Variants in MDH2 observed in about 807,000 individuals in gnomAD.
MDH2 encodes malate dehydrogenase 2, also known as malate dehydrogenase, mitochondrial.
In MDH2, 25 loss-of-function variants were observed where a neutral mutation model predicts 33.6. The observed-to-expected ratio is 0.74, with a 90% CI of 0.54 to 1.04. MDH2 has a LOEUF of 1.04. Ranked by LOEUF, MDH2 falls within the 50% of genes least tolerant of loss-of-function variation. MDH2 has a pLI of 0.00. For synonymous variants in MDH2, 193 were observed against 188.7 expected, an observed-to-expected ratio of 1.02 and a Z score of -0.19; for missense variants, 432 against 445.0, an observed-to-expected ratio of 0.97 and a Z score of 0.26.
chr7:76,048,175 C>A lies in MDH2; in HGVS notation c.15C>A (p.Leu5=). 6.5e-7 allele frequency: 1 copy of A among 1,536,632 alleles called. No individual in the cohort carries two copies. Among genetic ancestry groups the A allele is most frequent in the Admixed American group, 1.9e-5 (1 of 51,292 alleles). MLSA[L]ARPASAALRR... ...CCGCTCCAGCCATGCTCTCCGCCCT[C>A]GCCCGGCCTGCCAGCGCTGCTCTCC... Residue 5 remains leucine (L), a synonymous_variant, in exon 1 of 9, where the codon CTC becomes CTA. Transcript: ENST00000315758.
intron 5 of MDH2, 146 bp from the exon 6 acceptor site, chr7:76,063,369 G>T: frequency 6.9e-6 from 5 of 729,468 alleles, no homozygotes. Context: ...AAGCGCAGCA[G>T]GGGCTGGACA....
At chr7:76,049,987 G>A (rs905701740) in intron 1 of MDH2, among the ~76,000 whole-genome samples, 2 of 152,108 alleles carry the variant, frequency 1.3e-5, no homozygotes, top group East Asian at 1.9e-4. Context: ...GCGCACCACC[G>A]TGCCCAGCTA....
intron 1 of MDH2, 131 bp from the exon 2 acceptor site, chr7:76,054,699 C>T (rs1449156116): frequency 1.5e-5 from 16 of 1,052,030 alleles, no homozygotes; most frequent in Non-Finnish European, 2.3e-5. Context: ...GAGACTGTTA[C>T]AAATACAATG....
At chr7:76,048,935 C>T in intron 1 of MDH2, 1 of 969,448 alleles carries the variant, frequency 1.0e-6, no homozygotes, top group African/African-American at 2.0e-5. Context: ...CACCAGAAAG[C>T]TAATAAAAAA....
intron 6 of MDH2, 24 bp downstream of exon 6, chr7:76,063,616 G>A: frequency 6.2e-7 from 1 of 1,605,910 alleles, no homozygotes; most frequent in Non-Finnish European, 8.5e-7. Flanking sequence ...ACCCTGTGAG[G>A]GGCTTCGAGG....
rs1554587863 is a variant in MDH2 at position 76,066,285 on chromosome 7, G to A, written c.892G>A (p.Gly298Ser). The A allele has an allele frequency of 6.2e-7, 1 of 1,607,634 alleles. No individual in the cohort carries two copies. The highest frequency in any genetic ancestry group is 8.5e-7 in the Non-Finnish European group (1 of 1,176,934). The change falls in exon 9 of 9, where the codon GGC becomes AGC. Residue 298 changes from glycine to serine, a missense_variant. Transcript: ENST00000315758. ...FSTPLLLGKK[G>S]IEKNLGIGKV... ...ATGTTCCCATCTCCCTCAGAAAAAG[G>A]GCATCGAGAAGAACCTGGGCATCGG...
chr7:76,052,562 A>AT (rs781982527), intron 1 of MDH2, among the ~76,000 whole-genome samples: 5,232 of 133,184 alleles, frequency 0.039, 132 homozygotes, highest in African/African-American at 0.061. Flanking sequence ...GCTTTGGAAG[A>AT]TTTTTTTTTT....
Position 76,060,502 on chromosome 7 carries a change from A to C in MDH2, c.555+4A>C. 2 of 1,614,064 alleles carry C rather than the reference A, an allele frequency of 1.2e-6. No homozygotes were observed. The highest frequency in any genetic ancestry group is 1.7e-6 in the Non-Finnish European group (2 of 1,179,978). ...CACCTTTGTTGCAGAGCTGAAGGTAAGGGCGGCGTGGGTGTTGCTCAGGTG... is the reference window on the plus strand; with the variant it reads ...CACCTTTGTTGCAGAGCTGAAGGTACGGGCGGCGTGGGTGTTGCTCAGGTG... On this transcript the variant is annotated splice_donor_region_variant and intron_variant, in intron 5 of 8. Transcript: ENST00000315758.
intron 4 of MDH2, among the ~76,000 whole-genome samples, chr7:76,058,889 G>C (rs1262053873): frequency 1.3e-5 from 2 of 152,154 alleles, no homozygotes; most frequent in South Asian, 2.1e-4. Flanking sequence ...CTGGGCAAAG[G>C]GTTGACCCCT....
rs953069478 is a variant in MDH2, at chr7:76,060,327, C to T, written c.430-46C>T. 5.6e-6 allele frequency: 9 copies of T among 1,606,186 alleles called. 1 individual carries two copies. The Middle Eastern group carries it at 8.3e-4, about 149-fold the overall frequency. Reference sequence around the variant, plus strand: ...CTTTTCCTGCTGTGGCTTGGCCCTGCTCTCGGAACCCAGGGCAAGCCATGC... The same window carrying T: ...CTTTTCCTGCTGTGGCTTGGCCCTGTTCTCGGAACCCAGGGCAAGCCATGC... On this transcript the variant is annotated intron_variant, in intron 4 of 8. Transcript: ENST00000315758.
intron 6 of MDH2, among the ~76,000 whole-genome samples, chr7:76,064,122 T>G (rs1209355052): frequency 6.6e-6 from 1 of 152,136 alleles, no homozygotes; most frequent in Admixed American, 6.5e-5. Context: ...ATTATTTTTT[T>G]GCTGCTCCTT....
intron 7 of MDH2, 120 bp from the exon 8 acceptor site, chr7:76,064,682 C>T: frequency 4.2e-6 from 5 of 1,179,322 alleles, no homozygotes; most frequent in Non-Finnish European, 5.9e-6. Flanking sequence ...AATCGGGGTG[C>T]TGACTGAAAT....
intron 4 of MDH2, among the ~76,000 whole-genome samples, chr7:76,059,640 G>A (rs185406143): frequency 6.6e-6 from 1 of 152,276 alleles, no homozygotes; most frequent in East Asian, 1.9e-4. Flanking sequence ...AGGATCAATT[G>A]GGGTGAAGGG....
In MDH2 at chr7:76,058,749, T is replaced by C. The variant is rs543037839; in HGVS notation, c.429+671T>C. 2.4e-4 allele frequency among the ~76,000 whole-genome samples: 37 copies of C among 152,324 alleles called. No homozygotes were observed. The South Asian group carries it at 6.8e-3, about 28-fold the overall frequency. ...TCCAAATTGCCAGCATCACTACTCT[T>C]GCGCTTTGGGGCCATTGTAAAGTAA... On this transcript the variant is annotated intron_variant, in intron 4 of 8. Transcript: ENST00000315758.
At chr7:76,059,895 T>C (rs1203517707) in intron 4 of MDH2, among the ~76,000 whole-genome samples, 4 of 152,200 alleles carry the variant, frequency 2.6e-5, no homozygotes, top group African/African-American at 4.8e-5. Context: ...TTAGTATTTA[T>C]GACTTCATGA....
chr7:76,064,807 G>A lies in MDH2; in HGVS notation c.739G>A (p.Ala247Thr). ...VVKAKAGAGS[A>T]TLSMAYAGAR... ...ACCTGTCTGTGCCCCCCTAGGCTCT[G>A]CCACCCTCTCCATGGCGTATGCCGG... The change falls in exon 8 of 9, where the codon GCC becomes ACC. Residue 247 changes from alanine (A) to threonine (T), a missense_variant. Ala to Thr is a moderately conservative substitution (Grantham distance 58). Coordinates refer to ENST00000315758, the MANE Select transcript of MDH2 (RefSeq NM_005918.4). 1 of 1,613,742 alleles carries A rather than the reference G, an allele frequency of 6.2e-7. No homozygotes were observed. The highest frequency in any genetic ancestry group is 8.5e-7 in the Non-Finnish European group (1 of 1,179,956).
In MDH2 at chr7:76,063,835, G is replaced by A. The variant is rs966686704; in HGVS notation, c.633+243G>A. ...GAGAACCACTGTTGGGAACCTCACCGGGTTACTGGTTAGGCCGGAGCGGGC... is the reference window on the plus strand; with the variant it reads ...GAGAACCACTGTTGGGAACCTCACCAGGTTACTGGTTAGGCCGGAGCGGGC... On this transcript the variant is annotated intron_variant, in intron 6 of 8. Transcript: ENST00000315758. Among the ~76,000 whole-genome samples, 9 of 152,222 alleles carry A rather than the reference G, an allele frequency of 5.9e-5. No individual in the cohort carries two copies. The highest frequency in any genetic ancestry group is 9.6e-5 in the African/African-American group (4 of 41,460).
chr7:76,062,990 G>GAGCC (rs1554587230), intron 5 of MDH2, among the ~76,000 whole-genome samples: 1 of 152,220 alleles, frequency 6.6e-6, no homozygotes, highest in African/African-American at 2.4e-5. Flanking sequence ...GTGCTGTTTG[G>GAGCC]AGCCATAGGA....
At chr7:76,058,169 C>A in intron 4 of MDH2, 91 bp downstream of exon 4, 1 of 1,198,478 alleles carries the variant, frequency 8.3e-7, no homozygotes, top group Admixed American at 2.0e-5. Context: ...GCAAAGGCTG[C>A]TGATGTGCTG....
Sources: allele counts gnomAD v4.1 joint callset (sites outside exome capture counted in the v4.1 genomes callset), GRCh38; gene constraint gnomAD v4.1.1; transcripts MANE v1.5; gene names NCBI Gene and HGNC (gene_info 2026-07-23, HGNC 2026-07-21).